Variants in PRRC2C observed in about 807,000 individuals in gnomAD.
The protein encoded by PRRC2C is proline rich coiled-coil 2C.
In PRRC2C, 72 loss-of-function variants were observed where a neutral mutation model predicts 317.2. The ratio of observed to expected loss-of-function variants is 0.23; its 90% CI spans 0.19 to 0.28. The LOEUF is 0.28. Ranked by LOEUF, PRRC2C falls within the 10% of genes least tolerant of loss-of-function variation. The pLI is 1.00. For missense variants in PRRC2C, 3,074 were observed against 3,459.7 expected (o/e 0.89, Z 2.80); for synonymous variants, 1,296 against 1,205.9 (o/e 1.07, Z -1.55).
intron 34 of PRRC2C, among the ~76,000 whole-genome samples, chr1:171,590,030 G>T (rs1572179925): frequency 1.5e-5 from 2 of 136,560 alleles, no homozygotes; most frequent in African/African-American, 2.8e-5. Flanking sequence ...CCTTTCCCCT[G>T]ACTCTCCTCC....
chr1:171,499,799 A>G (rs1259623187), intron 1 of PRRC2C, among the ~76,000 whole-genome samples: 1 of 152,194 alleles, frequency 6.6e-6, no homozygotes, highest in African/African-American at 2.4e-5. Flanking sequence ...GTGGGACTCA[A>G]AAAAAGACGA....
intron 34 of PRRC2C, among the ~76,000 whole-genome samples, chr1:171,590,795 T>A (rs183062994): frequency 1.1e-4 from 16 of 152,352 alleles, no homozygotes; most frequent in African/African-American, 3.8e-4. Context: ...GTTCTACTCC[T>A]GGCTCCTTGG....
chr1:171,520,892 C>T (rs947754415), intron 6 of PRRC2C, among the ~76,000 whole-genome samples: 1 of 150,938 alleles, frequency 6.6e-6, no homozygotes, highest in East Asian at 2.0e-4. Flanking sequence ...GCAACCTCCA[C>T]CTCCTGGGTT....
chr1:171,537,423 G>A lies in PRRC2C; in HGVS notation c.2454G>A (p.Glu818=), dbSNP rs1366918969. The A allele has an allele frequency of 5.0e-6, 8 of 1,586,528 alleles. No homozygotes were observed. The highest frequency in any genetic ancestry group is 1.7e-4 in the Middle Eastern group (1 of 6,044). ...GGTCAGATCCCTATCCTCATGCTGA[G>A]CCTCAACAAGCAACTACTCCCAAAG... ...LWGSDPYPHA[E]PQQATTPKAT... The change falls in exon 15 of 35, where the codon GAG becomes GAA. Residue 818 remains glutamate (E), a synonymous_variant. Transcript: ENST00000647382.
chr1:171,590,712 T>G (rs1352845628), intron 34 of PRRC2C, among the ~76,000 whole-genome samples: 1 of 152,218 alleles, frequency 6.6e-6, no homozygotes, highest in Non-Finnish European at 1.5e-5. Flanking sequence ...GCCTAGGATT[T>G]CCATCTGTTT....
intron 18 of PRRC2C, among the ~76,000 whole-genome samples, chr1:171,556,418 C>T (rs529936855): frequency 2.0e-5 from 3 of 152,262 alleles, no homozygotes; most frequent in Non-Finnish European, 4.4e-5. Flanking sequence ...GCTCACCCTC[C>T]GTGGGCTGCA....
chr1:171,536,311 A>T (rs1259491345), intron 14 of PRRC2C, 33 bp downstream of exon 14: 4 of 1,588,314 alleles, frequency 2.5e-6, no homozygotes, highest in Non-Finnish European at 3.4e-6. Flanking sequence ...GTTTTACAGG[A>T]TCAAAATTTT....
chr1:171,517,810 C>CTTA lies in PRRC2C; in HGVS notation c.748_750dup (p.Tyr250dup). On this transcript the variant is annotated inframe_insertion, in exon 6 of 35. Coordinates refer to ENST00000647382, the MANE Select transcript of PRRC2C (RefSeq NM_001387844.1). Reference sequence around the variant, plus strand: ...TCCCAGTATAGAGCTATGATGCCTCCTTATGTGAGTATTGTTAAATGAACA... The same window carrying CTTA: ...TCCCAGTATAGAGCTATGATGCCTCCTTATTATGTGAGTATTGTTAAATGAACA... 6.2e-7 allele frequency: 1 copy of CTTA among 1,610,146 alleles called. No individual in the cohort carries two copies. Among genetic ancestry groups the CTTA allele is most frequent in the Non-Finnish European group, 8.5e-7 (1 of 1,177,820 alleles).
At chr1:171,555,644 G>A (rs928961091) in intron 18 of PRRC2C, among the ~76,000 whole-genome samples, 4 of 152,202 alleles carry the variant, frequency 2.6e-5, no homozygotes, top group Non-Finnish European at 5.9e-5. Flanking sequence ...TACAGATGGG[G>A]TTTTGGTGTG....
chr1:171,542,319 T>A, intron 16 of PRRC2C, 90 bp downstream of exon 16: 1 of 1,162,700 alleles, frequency 8.6e-7, no homozygotes, highest in Non-Finnish European at 1.2e-6. Context: ...AGAGCCAGTC[T>A]AGATAAAGGA....
Position 171,587,722 on chromosome 1 carries a change from A to G in PRRC2C, c.8043A>G (p.Arg2681=), listed in dbSNP as rs778591309. 4 of 1,612,918 alleles carry G rather than the reference A, an allele frequency of 2.5e-6. No homozygotes were observed. The highest frequency in any genetic ancestry group is 2.5e-6 in the Non-Finnish European group (3 of 1,179,004). ...CAGGCACACCTCCAATCGCTGGTAG[A>G]AGCACCACACCAACATCTAGTCCCT... is the stretch of plus-strand genomic sequence containing the variant. ...IKPGTPPIAG[R]STTPTSSPFR... The change falls in exon 32 of 35, where the codon AGA becomes AGG. Residue 2681 remains arginine (R), a synonymous_variant. Coordinates refer to ENST00000647382, the MANE Select transcript of PRRC2C (RefSeq NM_001387844.1).
intron 11 of PRRC2C, among the ~76,000 whole-genome samples, chr1:171,528,507 G>A (rs1455297668): frequency 6.6e-6 from 1 of 151,828 alleles, no homozygotes; most frequent in South Asian, 2.1e-4. Context: ...TAGCCAGGAC[G>A]GTCTCGATAT....
intron 12 of PRRC2C, among the ~76,000 whole-genome samples, chr1:171,533,259 C>A (rs1474110654): frequency 6.6e-6 from 1 of 152,180 alleles, no homozygotes; most frequent in Non-Finnish European, 1.5e-5. Context: ...GACTCCAAGA[C>A]ATTTAACTAA....
In PRRC2C at chr1:171,541,443, G is replaced by A; in HGVS notation, c.3977G>A (p.Arg1326Lys). ...DNRLLEKPYV[R>K]DDDKAKPGFL... is the part of the protein sequence containing the mutation. ...AGACTGCTAGAAAAGCCTTATGTAA[G>A]GGATGACGATAAAGCTAAACCAGGC... The change falls in exon 16 of 35, where the codon AGG (arginine) becomes AAG (lysine). Residue 1326 changes from arginine (R) to lysine (K), a missense_variant. Transcript: ENST00000647382. This position sits in a 1 kb window ranked among gnomAD's most constrained non-coding sequence, Gnocchi z 4.1. The A allele has an allele frequency of 1.9e-6, 3 of 1,613,852 alleles. No homozygotes were observed. Among genetic ancestry groups the A allele is most frequent in the Non-Finnish European group, 2.5e-6 (3 of 1,179,832 alleles).
intron 28 of PRRC2C, among the ~76,000 whole-genome samples, chr1:171,582,870 A>G (rs1558049680): frequency 6.6e-6 from 1 of 151,148 alleles, no homozygotes; most frequent in South Asian, 2.1e-4. Context: ...AAAAAAAAAA[A>G]CAAATTTTTC....
At chr1:171,490,532 G>A (rs761922285) in intron 1 of PRRC2C, among the ~76,000 whole-genome samples, 11 of 152,190 alleles carry the variant, frequency 7.2e-5, no homozygotes, top group Admixed American at 3.9e-4. Context: ...ATGATAAACC[G>A]CAAAGGAGTA....
At chr1:171,508,173 C>G (rs1670610654) in intron 1 of PRRC2C, among the ~76,000 whole-genome samples, 1 of 152,126 alleles carries the variant, frequency 6.6e-6, no homozygotes, top group Non-Finnish European at 1.5e-5. Flanking sequence ...GTCCTTCCAG[C>G]ACTGTGTTGA....
chr1:171,493,736 C>G (rs1667596469), intron 1 of PRRC2C, among the ~76,000 whole-genome samples: 1 of 152,034 alleles, frequency 6.6e-6, no homozygotes, highest in Admixed American at 6.6e-5. Context: ...TGGAGAATTG[C>G]TTGAGCCTGG....
chr1:171,577,968 T>G (rs948052426), intron 26 of PRRC2C, among the ~76,000 whole-genome samples: 1 of 109,036 alleles, frequency 9.2e-6, no homozygotes, highest in African/African-American at 3.4e-5. Flanking sequence ...TTTTTTTTTT[T>G]GCATTTTTGG....
Sources: allele counts gnomAD v4.1 joint callset (sites outside exome capture counted in the v4.1 genomes callset), GRCh38; gene constraint gnomAD v4.1.1; non-coding constraint Gnocchi (gnomAD v3.1); transcripts MANE v1.5; gene names NCBI Gene and HGNC (gene_info 2026-07-23, HGNC 2026-07-21).